Variants in FBXW11 observed in about 807,000 individuals in gnomAD.
FBXW11 encodes the protein F-box/WD repeat-containing protein 11.
A neutral mutation model predicts 77.6 loss-of-function variants in FBXW11; 19 were observed. The observed-to-expected ratio is 0.24, with a 90% confidence interval of 0.17 to 0.36. The LOEUF (loss-of-function observed/expected upper bound fraction) is 0.36, where lower values mean the gene tolerates loss of function less well. FBXW11 is among the 10% of genes least tolerant of loss of function. The probability of loss-of-function intolerance (pLI) is 1.00; values close to 1 mark genes in which losing one functional copy is unlikely to be tolerated. For synonymous variants in FBXW11, 235 were observed against 249.4 expected, an observed-to-expected ratio of 0.94 and a Z score of 0.54; for missense variants, 334 against 704.2, an observed-to-expected ratio of 0.47 and a Z score of 5.95.
At chr5:171,940,723 A>G (rs1762708030) in intron 2 of FBXW11, among the ~76,000 whole-genome samples, 1 of 152,168 alleles carries the variant, frequency 6.6e-6, no homozygotes, top group Non-Finnish European at 1.5e-5. Context: ...CCCCGTCTGT[A>G]CTAAAAATAC....
intron 1 of FBXW11, among the ~76,000 whole-genome samples, chr5:171,993,248 G>C (rs985838736): frequency 1.3e-5 from 2 of 151,826 alleles, no homozygotes; most frequent in Non-Finnish European, 2.9e-5. Context: ...TGAGTCTTCA[G>C]GTCTCTCTGA....
At chr5:171,912,581 G>T (rs966346884) in intron 3 of FBXW11, among the ~76,000 whole-genome samples, 1 of 152,098 alleles carries the variant, frequency 6.6e-6, no homozygotes. Flanking sequence ...ACCATTAAGA[G>T]CTATAATGTA....
chr5:171,899,833 G>A (rs1759996882), intron 5 of FBXW11, 81 bp downstream of exon 5: 26 of 1,262,438 alleles, frequency 2.1e-5, no homozygotes, highest in Non-Finnish European at 2.8e-5. Context: ...ACATTTGCAA[G>A]TATAATTGCA....
intron 6 of FBXW11, among the ~76,000 whole-genome samples, chr5:171,895,289 C>T (rs775502162): frequency 3.9e-5 from 6 of 152,104 alleles, no homozygotes; most frequent in East Asian, 1.9e-4. Context: ...GAGTATACAG[C>T]GGCATTTAAA....
At position 171,911,013 on chromosome 5, in the gene FBXW11, C is replaced by T. The variant is rs563658599; in HGVS notation, c.211-216G>A. Reference sequence around the variant, plus strand: ...ACTACAGGAAATGCCAAAATTGTAGCTATTTCTAAAAGGCACCTTAAATTA... The same window carrying T: ...ACTACAGGAAATGCCAAAATTGTAGTTATTTCTAAAAGGCACCTTAAATTA... On this transcript the variant is annotated intron_variant, in intron 3 of 13. Transcript: ENST00000517395. Among the ~76,000 whole-genome samples, 20 of 151,092 alleles carry T rather than the reference C, an allele frequency of 1.3e-4. No individual in the cohort carries two copies. The South Asian group carries it at 4.0e-3, about 30-fold the overall frequency.
intron 3 of FBXW11, among the ~76,000 whole-genome samples, chr5:171,911,411 G>A (rs1760877062): frequency 1.3e-5 from 2 of 151,724 alleles, no homozygotes; most frequent in African/African-American, 2.4e-5. Flanking sequence ...GATGCCACCC[G>A]TCCAGAGACT....
At chr5:171,946,573 C>T (rs1763019905) in intron 2 of FBXW11, among the ~76,000 whole-genome samples, 1 of 152,124 alleles carries the variant, frequency 6.6e-6, no homozygotes, top group Non-Finnish European at 1.5e-5. Flanking sequence ...TTTTAACATG[C>T]CACAAACATT....
chr5:171,951,382 A>G (rs1209821154), intron 2 of FBXW11, among the ~76,000 whole-genome samples: 1 of 152,094 alleles, frequency 6.6e-6, no homozygotes, highest in Admixed American at 6.5e-5. Context: ...CAAAAAACTG[A>G]AAAATTATCT....
intron 1 of FBXW11, among the ~76,000 whole-genome samples, chr5:171,982,921 G>A (rs750870641): frequency 5.3e-5 from 8 of 152,170 alleles, no homozygotes; most frequent in Admixed American, 2.6e-4. Flanking sequence ...AAAAACCTAA[G>A]ATGTGAGCAG....
intron 2 of FBXW11, among the ~76,000 whole-genome samples, chr5:171,935,663 C>T (rs770324378): frequency 1.6e-4 from 24 of 151,888 alleles, no homozygotes; most frequent in Non-Finnish European, 2.6e-4. Flanking sequence ...TCAAACTTCT[C>T]GAAACAACAC....
intron 1 of FBXW11, among the ~76,000 whole-genome samples, chr5:171,965,840 G>A (rs565766938): frequency 6.6e-5 from 10 of 151,984 alleles, no homozygotes; most frequent in East Asian, 1.9e-4. Flanking sequence ...ATCATATCTC[G>A]AATTGTAATC....
chr5:171,916,437 C>T, intron 2 of FBXW11: 1 of 985,222 alleles, frequency 1.0e-6, no homozygotes, highest in Non-Finnish European at 1.2e-6. Flanking sequence ...GAGGGTGGGG[C>T]TCTATGTGAA....
At chr5:171,952,422 CATAT>C (rs1198809796) in intron 2 of FBXW11, among the ~76,000 whole-genome samples, 198 of 14,644 alleles carry the variant, frequency 0.014, 22 homozygotes, top group Middle Eastern at 0.071. Context: ...TGTGTACATA[CATAT>C]ATATATATAT....
chr5:171,936,700 C>T (rs1237824317), intron 2 of FBXW11, among the ~76,000 whole-genome samples: 2 of 151,920 alleles, frequency 1.3e-5, no homozygotes, highest in African/African-American at 4.8e-5. Context: ...CAAGACAGCT[C>T]AAGAAAACAA....
At chr5:171,898,410 T>G (rs1376239059) in intron 6 of FBXW11, among the ~76,000 whole-genome samples, 1 of 152,182 alleles carries the variant, frequency 6.6e-6, no homozygotes, top group Non-Finnish European at 1.5e-5. Context: ...AAGGCTAAAA[T>G]AGTAAAACTG....
chr5:171,932,426 C>A (rs1762257364), intron 2 of FBXW11, among the ~76,000 whole-genome samples: 2 of 151,940 alleles, frequency 1.3e-5, no homozygotes, highest in Non-Finnish European at 2.9e-5. Context: ...GCTATAGGAA[C>A]TCTCATTCAT....
At chr5:171,909,140 T>A (rs569964836) in intron 4 of FBXW11, among the ~76,000 whole-genome samples, 3 of 151,914 alleles carry the variant, frequency 2.0e-5, no homozygotes, top group Middle Eastern at 3.4e-3. Flanking sequence ...CAGAAAAAAA[T>A]TCATGATTAA....
chr5:172,005,575 A>G (rs530189447), intron 1 of FBXW11, among the ~76,000 whole-genome samples: 58 of 152,220 alleles, frequency 3.8e-4, no homozygotes, highest in Non-Finnish European at 6.0e-4. Flanking sequence ...GTGTCCACGG[A>G]CCGGGAGTCT....
rs549799939 is a variant in FBXW11, at chr5:172,003,788, G to A, written c.45+2670C>T. 3.7e-3 allele frequency among the ~76,000 whole-genome samples: 561 copies of A among 152,244 alleles called. 3 individuals are homozygous for A. The highest frequency in any genetic ancestry group is 0.013 in the African/African-American group (538 of 41,532). On this transcript the variant is annotated intron_variant, in intron 1 of 13. Transcript: ENST00000517395. ...CTAATATACTTATCAAAAATGCAAG[G>A]AAAAACAGAAGAATCAATATTAAGG...
Sources: gnomAD v4.1 joint callset for allele counts (sites outside exome capture counted in the v4.1 genomes callset) on GRCh38, gnomAD v4.1.1 for gene constraint, MANE v1.5 for transcripts, NCBI Gene and HGNC (gene_info 2026-07-23, HGNC 2026-07-21) for gene names.